MAP3K7: variants seen among roughly 807,000 people sequenced by gnomAD.
MAP3K7 encodes the protein TGF-beta activated kinase 1.
Under a neutral mutation model 84.8 loss-of-function variants are expected in MAP3K7, and 21 were observed. That is an observed-to-expected ratio of 0.25 (90% CI 0.18 to 0.36). The LOEUF (loss-of-function observed/expected upper bound fraction) is 0.36. MAP3K7 is among the 10% of genes least tolerant of loss of function. MAP3K7 has a pLI of 1.00. For synonymous variants in MAP3K7, 241 were observed against 247.7 expected (o/e 0.97, Z 0.25); for missense variants, 503 against 747.7 (o/e 0.67, Z 3.82).
chr6:90,557,233 T>G (rs1776363747), intron 5 of MAP3K7, among the ~76,000 whole-genome samples: 1 of 152,278 alleles, frequency 6.6e-6, no homozygotes, highest in Non-Finnish European at 1.5e-5. Flanking sequence ...CTTTCCTAGG[T>G]GTACTATTAC....
intron 3 of MAP3K7, 71 bp downstream of exon 3, chr6:90,568,487 C>G: frequency 1.6e-6 from 2 of 1,270,548 alleles, no homozygotes; most frequent in South Asian, 2.9e-5. Flanking sequence ...CCAAAAATAG[C>G]TACATAAACT....
intron 3 of MAP3K7, among the ~76,000 whole-genome samples, chr6:90,563,364 T>C (rs1045495371): frequency 3.3e-5 from 5 of 152,154 alleles, no homozygotes; most frequent in East Asian, 1.9e-4. Context: ...ATAAACAGCA[T>C]AGAGAAGACC....
intron 1 of MAP3K7, among the ~76,000 whole-genome samples, chr6:90,576,702 G>A (rs1582241210): frequency 6.6e-6 from 1 of 152,286 alleles, no homozygotes; most frequent in East Asian, 1.9e-4. Context: ...GTATAATTGT[G>A]TGTGTATACA....
chr6:90,525,888 T>C lies in MAP3K7; in HGVS notation c.1357-2105A>G, dbSNP rs143499585. Among the ~76,000 whole-genome samples, 1,352 of 151,774 alleles carry C rather than the reference T, an allele frequency of 8.9e-3. 8 individuals are homozygous for C. Among genetic ancestry groups the C allele is most frequent in the Non-Finnish European group, 0.014 (932 of 67,922 alleles). On this transcript the variant is annotated intron_variant, in intron 13 of 16. Coordinates refer to ENST00000369329, the MANE Select transcript of MAP3K7 (RefSeq NM_145331.3). ...GGCCAACAATTCAAAATTTATATGCTGTACATATAAACACATAAAGTAAAA... is the reference window on the plus strand; with the variant it reads ...GGCCAACAATTCAAAATTTATATGCCGTACATATAAACACATAAAGTAAAA...
intron 1 of MAP3K7, 147 bp downstream of exon 1, chr6:90,586,617 T>C (rs1777466159): frequency 1.9e-6 from 2 of 1,052,388 alleles, no homozygotes; most frequent in South Asian, 1.7e-5. Context: ...CACTCCCACG[T>C]TACTGAGGGC....
intron 7 of MAP3K7, 22 bp downstream of exon 7, chr6:90,553,436 A>C: frequency 6.2e-7 from 1 of 1,601,460 alleles, no homozygotes; most frequent in Non-Finnish European, 8.5e-7. Context: ...AGTACTTTTA[A>C]GAAAAATTTC....
At chr6:90,561,444 C>T (rs924724497) in intron 4 of MAP3K7, among the ~76,000 whole-genome samples, 178 bp downstream of exon 4, 2 of 152,090 alleles carry the variant, frequency 1.3e-5, no homozygotes, top group African/African-American at 2.4e-5. Flanking sequence ...CTAAATTTCA[C>T]ATACTAATGT....
intron 1 of MAP3K7, among the ~76,000 whole-genome samples, chr6:90,582,880 CTTTTTTTTTT>C (rs535938524): frequency 1.5e-5 from 2 of 129,148 alleles, no homozygotes; most frequent in South Asian, 4.9e-4. Flanking sequence ...CTTCTATCAT[CTTTTTTTTTT>C]TTTTTTTTTT....
chr6:90,540,636 A>G (rs1775826565), intron 12 of MAP3K7, among the ~76,000 whole-genome samples: 1 of 151,914 alleles, frequency 6.6e-6, no homozygotes, highest in Non-Finnish European at 1.5e-5. Flanking sequence ...ATTTTTTTCC[A>G]GTAGATTTTA....
chr6:90,538,473 T>C (rs1304931221), intron 12 of MAP3K7, among the ~76,000 whole-genome samples: 2 of 151,908 alleles, frequency 1.3e-5, no homozygotes, highest in African/African-American at 4.8e-5. Context: ...GAGGACAGCA[T>C]GATGTAAACA....
Position 90,583,774 on chromosome 6 carries a change from A to G in MAP3K7, c.120+2990T>C, listed in dbSNP as rs867481143. Among the ~76,000 whole-genome samples, 3 of 152,170 alleles carry G rather than the reference A, an allele frequency of 2.0e-5. 1 individual carries two copies. Among genetic ancestry groups the G allele is most frequent in the Non-Finnish European group, 4.4e-5 (3 of 68,020 alleles). On this transcript the variant is annotated intron_variant, in intron 1 of 16. Coordinates refer to ENST00000369329, the MANE Select transcript of MAP3K7 (RefSeq NM_145331.3). ...TTTTCAGTCCAGAACACTTTCCACT[A>G]TACTACCCTGTGTAACACTTCTTGC...
At chr6:90,557,983 C>A (rs950457473) in intron 5 of MAP3K7, among the ~76,000 whole-genome samples, 3 of 152,228 alleles carry the variant, frequency 2.0e-5, no homozygotes, top group Non-Finnish European at 4.4e-5. Flanking sequence ...TTTTGAGGAA[C>A]TCTTCCTGAC....
chr6:90,539,766 C>A (rs894083919), intron 12 of MAP3K7, among the ~76,000 whole-genome samples: 1 of 151,734 alleles, frequency 6.6e-6, no homozygotes. Context: ...AAAGCCCTCC[C>A]CACCTAGATA....
chr6:90,540,965 T>C (rs576323304), intron 12 of MAP3K7, among the ~76,000 whole-genome samples: 19 of 152,070 alleles, frequency 1.2e-4, no homozygotes, highest in African/African-American at 4.1e-4. Flanking sequence ...ATCTATTTCA[T>C]TTGTGTACTT....
At chr6:90,559,014 T>C (rs933350085) in intron 5 of MAP3K7, among the ~76,000 whole-genome samples, 2 of 152,126 alleles carry the variant, frequency 1.3e-5, no homozygotes, top group East Asian at 3.8e-4. Flanking sequence ...GTTAATATAG[T>C]GGAAAAAGGA....
intron 12 of MAP3K7, among the ~76,000 whole-genome samples, chr6:90,538,028 G>C (rs1193626492): frequency 1.3e-5 from 2 of 151,886 alleles, no homozygotes; most frequent in Non-Finnish European, 2.9e-5. Flanking sequence ...GGAGAAAAGG[G>C]AAGTAAAACC....
intron 14 of MAP3K7, among the ~76,000 whole-genome samples, chr6:90,520,794 A>C (rs1386718745): frequency 6.6e-6 from 1 of 152,018 alleles, no homozygotes; most frequent in African/African-American, 2.4e-5. Context: ...TCCCACCCCA[A>C]CAGTGGTTTC....
chr6:90,549,648 GTC>G (rs1389075823), intron 9 of MAP3K7, among the ~76,000 whole-genome samples: 2 of 152,100 alleles, frequency 1.3e-5, no homozygotes, highest in Non-Finnish European at 2.9e-5. Flanking sequence ...AAAATTCAAG[GTC>G]ACAGTAAGGA....
At chr6:90,541,524 G>C (rs1775855185) in intron 12 of MAP3K7, among the ~76,000 whole-genome samples, 1 of 151,898 alleles carries the variant, frequency 6.6e-6, no homozygotes, top group African/African-American at 2.4e-5. Context: ...CTCTTTTAAG[G>C]GCAGATGGAC....
Sources: gnomAD v4.1 joint callset for allele counts (sites outside exome capture counted in the v4.1 genomes callset) on GRCh38, gnomAD v4.1.1 for gene constraint, MANE v1.5 for transcripts, NCBI Gene and HGNC (gene_info 2026-07-23, HGNC 2026-07-21) for gene names.